Variants in SDF4 observed in about 807,000 individuals in gnomAD.
SDF4 encodes the protein 45 kDa calcium-binding protein.
SDF4 carries 22 observed loss-of-function variants against 34.2 expected under a neutral mutation model. The ratio of observed to expected loss-of-function variants is 0.64; its 90% confidence interval spans 0.46 to 0.92. SDF4 has a LOEUF of 0.92. SDF4 is among the 40% of genes least tolerant of loss of function. The pLI is 0.00. For missense variants in SDF4, 447 were observed against 499.9 expected (o/e 0.89, Z 1.01); for synonymous variants, 236 against 203.1 (o/e 1.16, Z -1.38).
intron 4 of SDF4, chr1:1,221,204 G>A (rs537615981): frequency 1.1e-4 from 19 of 180,558 alleles, no homozygotes; most frequent in Non-Finnish European, 1.6e-4. Context: ...AAAAGTCTCC[G>A]CGTCATTCTA....
chr1:1,228,275 G>A (rs371983415), intron 2 of SDF4, among the ~76,000 whole-genome samples, 193 bp downstream of exon 2: 6 of 152,226 alleles, frequency 3.9e-5, no homozygotes, highest in East Asian at 3.9e-4. Context: ...TTCAAGGAGC[G>A]GCTCTGGGCT....
rs1649693310 is a variant in SDF4 at position 1,218,708 on chromosome 1, C to G, written c.715+61G>C. The stretch of plus-strand genomic sequence containing the variant: ...GACCTGCCCCGACCTCCCGACGATG[C>G]CCGGCCCCTGCCAGTCGGTCCTGGG... On this transcript the variant is annotated intron_variant, in intron 5 of 6. Transcript: ENST00000360001. This position sits in a 1 kb window ranked among gnomAD's most constrained non-coding sequence, Gnocchi z 7.9. 6.2e-7 allele frequency: 1 copy of G among 1,611,296 alleles called. No individual in the cohort carries two copies. The highest frequency in any genetic ancestry group is 1.3e-5 in the African/African-American group (1 of 74,892).
chr1:1,226,449 C>T (rs1638311655), intron 2 of SDF4, among the ~76,000 whole-genome samples: 2 of 152,196 alleles, frequency 1.3e-5, no homozygotes, highest in African/African-American at 2.4e-5. Context: ...TGAGGGACAG[C>T]CTAAAACCTC....
intron 4 of SDF4, chr1:1,220,785 A>G: frequency 7.8e-7 from 1 of 1,286,722 alleles, no homozygotes; most frequent in East Asian, 5.6e-5. Context: ...ACACAATCAG[A>G]GTTGGGGGGC....
intron 2 of SDF4, 53 bp from the exon 3 acceptor site, chr1:1,224,021 G>T: frequency 6.3e-7 from 1 of 1,598,944 alleles, no homozygotes; most frequent in South Asian, 1.1e-5. Context: ...CCAGGACCCC[G>T]AACAGCCAGA....
At chr1:1,229,008 A>G (rs1019491395) in intron 1 of SDF4, 62 bp from the exon 2 acceptor site, 3 of 575,840 alleles carry the variant, frequency 5.2e-6, no homozygotes, top group East Asian at 2.8e-5. Context: ...AAGCACGTCT[A>G]TCCTGCAACA....
intron 4 of SDF4, chr1:1,220,725 C>T: frequency 7.8e-7 from 1 of 1,289,178 alleles, no homozygotes; most frequent in Non-Finnish European, 1.0e-6. Flanking sequence ...CCAGGTGGGC[C>T]ATGTCCTGGG....
chr1:1,225,308 G>A (rs1638266568), intron 2 of SDF4, among the ~76,000 whole-genome samples: 1 of 152,228 alleles, frequency 6.6e-6, no homozygotes, highest in South Asian at 2.1e-4. Flanking sequence ...AGAGTAGGGT[G>A]CCCTGGCCCC....
intron 4 of SDF4, chr1:1,220,770 GAC>G: frequency 7.8e-7 from 1 of 1,288,806 alleles, no homozygotes; most frequent in Non-Finnish European, 1.0e-6. Context: ...ACCAAGGAAA[GAC>G]AGACACAATC....
chr1:1,229,497 C>T (rs1638427168), intron 1 of SDF4, among the ~76,000 whole-genome samples: 1 of 152,230 alleles, frequency 6.6e-6, no homozygotes, highest in South Asian at 2.1e-4. Flanking sequence ...CAGGCGTGAG[C>T]CACTGTGCCC....
intron 4 of SDF4, chr1:1,219,549 T>C (rs1400860015): frequency 1.4e-5 from 14 of 989,998 alleles, no homozygotes; most frequent in Admixed American, 5.7e-5. Context: ...ACACAGTTTC[T>C]AGAAATGACT....
chr1:1,228,273 G>A (rs1638374058), intron 2 of SDF4, among the ~76,000 whole-genome samples, 195 bp downstream of exon 2: 1 of 152,250 alleles, frequency 6.6e-6, no homozygotes, highest in African/African-American at 2.4e-5. Flanking sequence ...CATTCAAGGA[G>A]CGGCTCTGGG....
intron 3 of SDF4, 44 bp downstream of exon 3, chr1:1,223,785 TGCC>T: frequency 2.4e-5 from 13 of 552,522 alleles, no homozygotes; most frequent in Middle Eastern, 4.9e-4. Context: ...CCCATGGCCC[TGCC>T]CGCCCCGCCC....
intron 4 of SDF4, chr1:1,219,544 G>T: frequency 1.0e-6 from 1 of 990,632 alleles, no homozygotes; most frequent in Non-Finnish European, 1.2e-6. Flanking sequence ...GGAAAACACA[G>T]TTTCTAGAAA....
intron 4 of SDF4, chr1:1,220,565 G>GGA (rs1435098958): frequency 7.9e-7 from 1 of 1,265,684 alleles, no homozygotes; most frequent in African/African-American, 1.5e-5. Context: ...CTGAGGTCGG[G>GGA]GAGGCCAAGA....
At chr1:1,226,996 A>G (rs1314323550) in intron 2 of SDF4, among the ~76,000 whole-genome samples, 3 of 152,124 alleles carry the variant, frequency 2.0e-5, no homozygotes, top group Non-Finnish European at 4.4e-5. Flanking sequence ...CAGGCCACGC[A>G]AGGACCCCCG....
At chr1:1,225,063 GC>G (rs1638251401) in intron 2 of SDF4, among the ~76,000 whole-genome samples, 1 of 152,208 alleles carries the variant, frequency 6.6e-6, no homozygotes, top group South Asian at 2.1e-4. Flanking sequence ...GCCAGCGCAG[GC>G]CAGGTCAGGA....
intron 1 of SDF4, among the ~76,000 whole-genome samples, chr1:1,231,652 C>T (rs1638505112): frequency 6.6e-6 from 1 of 152,264 alleles, no homozygotes; most frequent in Admixed American, 6.5e-5. Context: ...AGGTTTTGGC[C>T]AGTAGGAGAC....
rs1362814130 is a variant in SDF4, at chr1:1,218,878, G to T, written c.606C>A (p.Ser202Arg). 5.0e-6 allele frequency: 8 copies of T among 1,597,852 alleles called. No homozygotes were observed. Among genetic ancestry groups the T allele is most frequent in the African/African-American group, 1.3e-5 (1 of 74,666 alleles). The part of the protein sequence containing the change: ...NLKDRWYQAD[S>R]PPADLLLTEE... ...CCGTCAGCAGCAGGTCTGCAGGGGG[G>T]CTGTCCGCCTGGTACCAGCGGTCCT... Residue 202 changes from serine (S) to arginine (R), a missense_variant, in exon 5 of 7, where the codon AGC becomes AGA. Ser to Arg is a moderately radical substitution (Grantham distance 110). Transcript: ENST00000360001. The surrounding 1 kb of genome is among the most constrained non-coding windows in gnomAD (Gnocchi z 7.9).
Sources: allele counts gnomAD v4.1 joint callset (sites outside exome capture counted in the v4.1 genomes callset), GRCh38; gene constraint gnomAD v4.1.1; non-coding constraint Gnocchi (gnomAD v3.1); transcripts MANE v1.5; gene names NCBI Gene and HGNC (gene_info 2026-07-23, HGNC 2026-07-21).